The following RAVER2 variants were observed in gnomAD, a reference collection of about 807,000 sequenced individuals.
RAVER2 encodes the protein ribonucleoprotein, PTB binding 2.
RAVER2 carries 46 observed loss-of-function variants against 78.1 expected under a neutral mutation model. The observed-to-expected ratio is 0.59, with a 90% CI of 0.46 to 0.75. The LOEUF (loss-of-function observed/expected upper bound fraction) is 0.75. Among genes scored for constraint, RAVER2 ranks in the 30% least tolerant of loss-of-function variants. RAVER2 has a pLI of 0.00. For missense variants in RAVER2, 793 were observed against 837.5 expected, an observed-to-expected ratio of 0.95 and a Z score of 0.66; for synonymous variants, 311 against 313.3, an observed-to-expected ratio of 0.99 and a Z score of 0.08.
intron 8 of RAVER2, among the ~76,000 whole-genome samples, chr1:64,806,582 A>C (rs556558620): frequency 6.6e-6 from 1 of 152,332 alleles, no homozygotes; most frequent in African/African-American, 2.4e-5. Flanking sequence ...CTCTAGGTTG[A>C]AAAAAAGGGC....
chr1:64,775,208 A>C (rs1436975422), intron 2 of RAVER2, among the ~76,000 whole-genome samples: 1 of 152,214 alleles, frequency 6.6e-6, no homozygotes, highest in Non-Finnish European at 1.5e-5. Flanking sequence ...TTTGGGAGTC[A>C]ATATGAAGAT....
chr1:64,785,426 G>A (rs1175843852), intron 4 of RAVER2, among the ~76,000 whole-genome samples: 1 of 147,192 alleles, frequency 6.8e-6, no homozygotes, highest in African/African-American at 2.5e-5. Context: ...CTGGAGTGCA[G>A]TGGCACGATC....
At chr1:64,816,084 C>T (rs1570580613) in intron 11 of RAVER2, 1 of 152,210 alleles carries the variant, frequency 6.6e-6, no homozygotes, top group East Asian at 1.9e-4. Context: ...ACAGGAGAAG[C>T]ACAATAAATT....
chr1:64,751,586 T>C (rs1651699759), intron 1 of RAVER2, among the ~76,000 whole-genome samples: 2 of 152,144 alleles, frequency 1.3e-5, no homozygotes. Flanking sequence ...GTTTTTGTTT[T>C]TCATTTTTAG....
intron 4 of RAVER2, among the ~76,000 whole-genome samples, chr1:64,787,440 A>G (rs978057559): frequency 6.6e-6 from 1 of 152,124 alleles, no homozygotes; most frequent in Non-Finnish European, 1.5e-5. Context: ...TTCACCATCT[A>G]GGCTTGAGCC....
intron 3 of RAVER2, among the ~76,000 whole-genome samples, chr1:64,778,492 C>T (rs1046289062): frequency 2.0e-5 from 3 of 151,954 alleles, no homozygotes; most frequent in Admixed American, 6.6e-5. Flanking sequence ...GTAGAAGAGA[C>T]GGACAAGTAA....
exon 12 of RAVER2, chr1:64,831,002 AT>A: frequency 6.2e-7 from 1 of 1,610,312 alleles, no homozygotes; most frequent in Non-Finnish European, 8.5e-7. Context: ...CTCTCTCCTA[AT>A]AACCCCCTAA....
intron 1 of RAVER2, among the ~76,000 whole-genome samples, chr1:64,763,390 C>G (rs1214367476): frequency 6.6e-6 from 1 of 152,116 alleles, no homozygotes; most frequent in African/African-American, 2.4e-5. Context: ...AAAGGAATAT[C>G]CAAATGGCAT....
At chr1:64,747,486 C>T (rs1651571598) in intron 1 of RAVER2, among the ~76,000 whole-genome samples, 1 of 151,396 alleles carries the variant, frequency 6.6e-6, no homozygotes, top group African/African-American at 2.4e-5. Context: ...CCAGAAGAGA[C>T]TGTGTTTATT....
chr1:64,781,385 A>G, exon 4 of RAVER2: 3 of 1,596,174 alleles, frequency 1.9e-6, no homozygotes, highest in Non-Finnish European at 2.6e-6. Context: ...ATCAGCTTGC[A>G]CAGGATGAAG....
chr1:64,792,567 G>T (rs1021305627), intron 5 of RAVER2, among the ~76,000 whole-genome samples: 2 of 152,094 alleles, frequency 1.3e-5, no homozygotes, highest in Admixed American at 6.6e-5. Flanking sequence ...TCAGATTAAT[G>T]TATGGCCATA....
intron 2 of RAVER2, among the ~76,000 whole-genome samples, chr1:64,775,880 G>A (rs562211339): frequency 8.6e-5 from 13 of 151,964 alleles, no homozygotes; most frequent in South Asian, 2.1e-4. Flanking sequence ...TTAGCCAGGC[G>A]TGGTGGCAGG....
intron 1 of RAVER2, among the ~76,000 whole-genome samples, chr1:64,762,478 A>T (rs573015132): frequency 2.1e-4 from 32 of 152,202 alleles, no homozygotes; most frequent in Non-Finnish European, 3.5e-4. Context: ...AAAAAAAAAA[A>T]CTTGGAAGAC....
intron 1 of RAVER2, among the ~76,000 whole-genome samples, chr1:64,762,577 G>A (rs1652052188): frequency 6.6e-6 from 1 of 151,990 alleles, no homozygotes; most frequent in Non-Finnish European, 1.5e-5. Context: ...GTACACTAGT[G>A]GGACAGAATA....
intron 11 of RAVER2, among the ~76,000 whole-genome samples, chr1:64,825,838 T>C (rs1653992780): frequency 6.6e-6 from 1 of 152,174 alleles, no homozygotes; most frequent in Non-Finnish European, 1.5e-5. Context: ...TAAAAGAAAA[T>C]TAACTTTTTA....
At chr1:64,779,816 A>G (rs1652580528) in intron 3 of RAVER2, among the ~76,000 whole-genome samples, 1 of 151,654 alleles carries the variant, frequency 6.6e-6, no homozygotes, top group African/African-American at 2.4e-5. Flanking sequence ...GAGATTATCT[A>G]GTATAGCTTT....
At chr1:64,769,441 A>G (rs1207984811) in intron 2 of RAVER2, among the ~76,000 whole-genome samples, 1 of 151,998 alleles carries the variant, frequency 6.6e-6, no homozygotes, top group East Asian at 1.9e-4. Flanking sequence ...ATATTTTCCA[A>G]TTTATGCAAT....
At chr1:64,832,681 A>G (rs1654187181) in exon 12 of RAVER2, 1 of 152,226 alleles carries the variant, frequency 6.6e-6, no homozygotes, top group South Asian at 2.1e-4. Flanking sequence ...TGCATATACT[A>G]GCTTCTGTTG....
chr1:64,778,046 A>G (rs1319776873), exon 3 of RAVER2: 1 of 1,613,718 alleles, frequency 6.2e-7, no homozygotes, highest in Non-Finnish European at 8.5e-7. Flanking sequence ...GATTCAGAAG[A>G]GCTGTTGCAA....
Sources: allele counts gnomAD v4.1 joint callset (sites outside exome capture counted in the v4.1 genomes callset), GRCh38; gene constraint gnomAD v4.1.1; transcripts MANE v1.5; gene names NCBI Gene and HGNC (gene_info 2026-07-23, HGNC 2026-07-21).